Variants in DNAJC6 observed in about 807,000 individuals in gnomAD.
DNAJC6 encodes DnaJ heat shock protein family (Hsp40) member C6.
In DNAJC6, 34 loss-of-function variants were observed where a neutral mutation model predicts 110.0. The observed-to-expected ratio is 0.31, with a 90% CI of 0.24 to 0.41. The LOEUF (loss-of-function observed/expected upper bound fraction) is 0.41. DNAJC6 is among the 10% of genes least tolerant of loss of function. The pLI is 1.00. For missense variants in DNAJC6, 1,031 were observed against 1,207.8 expected (o/e 0.85, Z 2.17); for synonymous variants, 406 against 437.2 (o/e 0.93, Z 0.89).
At position 65,370,008 on chromosome 1, in the gene DNAJC6, A is replaced by G. The variant is rs1645690252; in HGVS notation, c.543+3812A>G. 2.0e-5 allele frequency among the ~76,000 whole-genome samples: 3 copies of G among 152,322 alleles called. No individual in the cohort carries two copies. In the South Asian group the frequency reaches 6.2e-4, roughly 32 times the overall value. ...AAGCGAAGTACTGGAATACCTATTCAGGACTGCAAAGGATGTATGAAACCT... is the reference window on the plus strand; with the variant it reads ...AAGCGAAGTACTGGAATACCTATTCGGGACTGCAAAGGATGTATGAAACCT... On this transcript the variant is annotated intron_variant, in intron 4 of 18. Coordinates refer to ENST00000371069, the MANE Select transcript of DNAJC6 (RefSeq NM_001256864.2).
intron 1 of DNAJC6, among the ~76,000 whole-genome samples, chr1:65,266,190 G>A (rs1173307707): frequency 6.6e-6 from 1 of 152,210 alleles, no homozygotes; most frequent in African/African-American, 2.4e-5. Context: ...TCCAGTCCTC[G>A]GGAGTCAGCC....
At chr1:65,292,320 G>GTTTTTTTTTTTTTTTTTTTTTTTTTTT (rs11431945) in intron 1 of DNAJC6, among the ~76,000 whole-genome samples, 1 of 135,798 alleles carries the variant, frequency 7.4e-6, no homozygotes. Flanking sequence ...ACCCGGCCTG[G>GTTTTTTTTTTTTTTTTTTTTTTTTTTT]TTTTTTTTTT....
At chr1:65,277,834 G>A (rs1336507764) in intron 1 of DNAJC6, among the ~76,000 whole-genome samples, 1 of 152,162 alleles carries the variant, frequency 6.6e-6, no homozygotes, top group Non-Finnish European at 1.5e-5. Context: ...GTTATCTCTC[G>A]AGGCAGTCTC....
chr1:65,344,769 A>G (rs1211573133), intron 1 of DNAJC6, among the ~76,000 whole-genome samples: 4 of 152,158 alleles, frequency 2.6e-5, no homozygotes. Context: ...TAAGCCAGAA[A>G]GGCAGGCAGA....
rs1020271408 is a variant in DNAJC6 at position 65,292,333 on chromosome 1, GT to G, written c.-131+27413del. On this transcript the variant is annotated intron_variant, in intron 1 of 19. Coordinates refer to the DNAJC6 transcript ENST00000263441. ...GCACCCGGCCTGGTTTTTTTTTTTT[GT>G]TTTTTTTTTTTAATGAATATTACGC... Among the ~76,000 whole-genome samples the G allele has an allele frequency of 5.0e-3, 635 of 127,524 alleles. 3 individuals carry two copies. The highest frequency in any genetic ancestry group is 0.017 in the African/African-American group (552 of 32,768). The allele number at this position is 127,524 out of a possible 152,430, so 83.7% of individuals were successfully genotyped here.
chr1:65,292,438 T>C (rs560605065), intron 1 of DNAJC6, among the ~76,000 whole-genome samples: 91 of 152,142 alleles, frequency 6.0e-4, no homozygotes, highest in Non-Finnish European at 9.9e-4. Context: ...CAAACTTTTT[T>C]CTTTTTTCCT....
intron 18 of DNAJC6, among the ~76,000 whole-genome samples, chr1:65,411,750 G>A (rs959843595): frequency 1.3e-4 from 19 of 151,798 alleles, no homozygotes; most frequent in Admixed American, 8.5e-4. Flanking sequence ...TAGGCGAATC[G>A]CTCGAGCCCT....
At chr1:65,330,608 A>G (rs1408455397) in intron 1 of DNAJC6, among the ~76,000 whole-genome samples, 4 of 152,142 alleles carry the variant, frequency 2.6e-5, no homozygotes, top group African/African-American at 4.8e-5. Context: ...AGCTGGGACT[A>G]CAGGCGCCGC....
chr1:65,409,542 T>C (rs1469692988), intron 17 of DNAJC6, among the ~76,000 whole-genome samples: 1 of 152,164 alleles, frequency 6.6e-6, no homozygotes, highest in African/African-American at 2.4e-5. Context: ...AAGAATGCAT[T>C]ATTTATGTTT....
At chr1:65,351,493 T>G (rs1645489431) in intron 1 of DNAJC6, among the ~76,000 whole-genome samples, 1 of 152,224 alleles carries the variant, frequency 6.6e-6, no homozygotes, top group South Asian at 2.1e-4. Context: ...TCTGAGGAAT[T>G]GTCAGAGGAT....
chr1:65,307,053 A>T (rs1645051459), upstream of DNAJC6, among the ~76,000 whole-genome samples: 1 of 141,990 alleles, frequency 7.0e-6, no homozygotes, highest in Non-Finnish European at 1.5e-5. Context: ...TTAGGTACTA[A>T]TCTAATTCTT....
intron 4 of DNAJC6, among the ~76,000 whole-genome samples, chr1:65,371,288 C>G (rs1216633498): frequency 6.6e-6 from 1 of 152,114 alleles, no homozygotes; most frequent in African/African-American, 2.4e-5. Flanking sequence ...CTCAGCTGTT[C>G]TTCTTCCTGG....
At chr1:65,316,575 A>T (rs1645150819) in intron 1 of DNAJC6, among the ~76,000 whole-genome samples, 1 of 152,188 alleles carries the variant, frequency 6.6e-6, no homozygotes, top group Non-Finnish European at 1.5e-5. Flanking sequence ...TAGGAGCCTG[A>T]TAAATACTTG....
Position 65,412,856 on chromosome 1 carries a change from G to A in DNAJC6, c.2812-68G>A, listed in dbSNP as rs977312326. ...ATTGCTTAGAGCCCATATATTGGCA[G>A]TGAAAAATTTAATATTAATGAAATT... On this transcript the variant is annotated intron_variant, in intron 18 of 18. Transcript: ENST00000371069. 2.3e-5 allele frequency: 30 copies of A among 1,310,014 alleles called. No homozygotes were observed. The African/African-American group carries it at 4.3e-4, about 19-fold the overall frequency. The allele number at this position is 1,310,014 out of a possible 1,614,324, so 81.1% of individuals were successfully genotyped here. A position where few individuals can be genotyped will look rare whatever the true frequency, so the allele number is the denominator to read the frequency against.
chr1:65,379,245 C>T (rs1645795083), intron 4 of DNAJC6, among the ~76,000 whole-genome samples, 157 bp from the exon 5 acceptor site: 4 of 152,198 alleles, frequency 2.6e-5, no homozygotes, highest in Admixed American at 2.6e-4. Context: ...GTGTTAAACA[C>T]CCTCTTCTTC....
At chr1:65,373,958 A>G (rs1169153929) in intron 4 of DNAJC6, among the ~76,000 whole-genome samples, 2 of 152,098 alleles carry the variant, frequency 1.3e-5, no homozygotes, top group African/African-American at 2.4e-5. Context: ...TGATTTTTAT[A>G]TATAGTTAGA....
In DNAJC6 at chr1:65,385,914, A is replaced by G. The variant is rs770661642; in HGVS notation, c.995+8A>G. The G allele has an allele frequency of 5.0e-6, 8 of 1,590,736 alleles. No homozygotes were observed. The highest frequency in any genetic ancestry group is 6.9e-6 in the Non-Finnish European group (8 of 1,162,782). ...AGATTTTGAACGAATGAAGTAAGTC[A>G]TGATACTTTACTTCTTCCTATGTAC... On this transcript the variant is annotated splice_region_variant and intron_variant, in intron 7 of 18. Transcript: ENST00000371069.
chr1:65,304,065 A>C (rs1645014896), intron 1 of DNAJC6, among the ~76,000 whole-genome samples: 1 of 152,200 alleles, frequency 6.6e-6, no homozygotes, highest in Non-Finnish European at 1.5e-5. Context: ...AGTCTGCCTC[A>C]AAATAAGAAT....
chr1:65,350,647 G>A (rs1570312908), intron 1 of DNAJC6, among the ~76,000 whole-genome samples: 1 of 152,150 alleles, frequency 6.6e-6, no homozygotes, highest in East Asian at 1.9e-4. Flanking sequence ...CTGGTCATTA[G>A]GCTTGATTTT....
Sources: allele counts gnomAD v4.1 joint callset (sites outside exome capture counted in the v4.1 genomes callset), GRCh38; gene constraint gnomAD v4.1.1; transcripts MANE v1.5; gene names NCBI Gene and HGNC (gene_info 2026-07-23, HGNC 2026-07-21).